BAZ1B: variants seen among roughly 807,000 people sequenced by gnomAD.
BAZ1B encodes the protein tyrosine-protein kinase BAZ1B.
In BAZ1B, 22 loss-of-function variants were observed where a neutral mutation model predicts 153.8. That is an observed-to-expected ratio of 0.14 (90% CI 0.10 to 0.20). The LOEUF (loss-of-function observed/expected upper bound fraction) is 0.20, where lower values mean the gene tolerates loss of function less well. BAZ1B is among the 10% of genes least tolerant of loss of function. The probability of loss-of-function intolerance (pLI) is 1.00; values close to 1 mark genes in which losing one functional copy is unlikely to be tolerated. For synonymous variants in BAZ1B, 676 were observed against 633.4 expected (o/e 1.07, Z -1.01); for missense variants, 1,325 against 1,799.3 (o/e 0.74, Z 4.77).
intron 6 of BAZ1B, among the ~76,000 whole-genome samples, chr7:73,486,743 G>A (rs1789426414): frequency 6.6e-6 from 1 of 152,184 alleles, no homozygotes. Context: ...TACAGAGAGA[G>A]AAAACATCCC....
Position 73,477,068 on chromosome 7 carries a change from C to T in BAZ1B, c.2393G>A (p.Arg798Gln), listed in dbSNP as rs370888360. The change falls in exon 7 of 20, where the codon CGG becomes CAG. Residue 798 changes from arginine (R) to glutamine (Q), a missense_variant. Arg to Gln is a conservative substitution (Grantham distance 43, BLOSUM62 1). Coordinates refer to ENST00000339594, the MANE Select transcript of BAZ1B (RefSeq NM_032408.4). The surrounding 1 kb of genome is among the most constrained non-coding windows in gnomAD (Gnocchi z 5.6). ...TTTATTTTTGGCTTCCATTTCTTTC[C>T]GTTTCTGTTTCTCTGCTCTCTTCTT... ...NDKKRAEKQK[R>Q]KEMEAKNKEN... 6.8e-6 allele frequency: 11 copies of T among 1,614,048 alleles called. No homozygotes were observed. Among genetic ancestry groups the T allele is most frequent in the Middle Eastern group, 1.6e-4 (1 of 6,062 alleles).
chr7:73,477,986 C>T lies in BAZ1B; in HGVS notation c.1475G>A (p.Arg492Lys). The T allele has an allele frequency of 1.2e-6, 2 of 1,614,142 alleles. No homozygotes were observed. The highest frequency in any genetic ancestry group is 1.7e-6 in the Non-Finnish European group (2 of 1,180,032). ...YKENKDREDK[R>K]SALSCVISKT... ...GGAGATAACACAGGACAGGGCGCTC[C>T]TCTTGTCCTCCCTGTCTTTGTTTTC... Residue 492 changes from arginine (R) to lysine (K), a missense_variant, in exon 7 of 20, where the codon AGG (arginine) becomes AAG (lysine). Physicochemically the swap from Arg to Lys is conservative, Grantham distance 26 (BLOSUM62 2). This residue lies in a region of BAZ1B where 154 missense variants were observed against 266.3 expected (regional missense o/e 0.58). Transcript: ENST00000339594. This position sits in a 1 kb window ranked among gnomAD's most constrained non-coding sequence, Gnocchi z 5.6.
At chr7:73,483,554 AT>A (rs150109701) in intron 6 of BAZ1B, among the ~76,000 whole-genome samples, 2 of 151,942 alleles carry the variant, frequency 1.3e-5, no homozygotes, top group African/African-American at 2.4e-5. Flanking sequence ...CTTACTTTTC[AT>A]TTTTTTTCTT....
chr7:73,506,441 G>A (rs1361374443), intron 3 of BAZ1B, among the ~76,000 whole-genome samples: 1 of 151,390 alleles, frequency 6.6e-6, no homozygotes, highest in African/African-American at 2.4e-5. Context: ...GAATCTTGCA[G>A]TGAGCTGAGA....
chr7:73,496,161 T>C (rs1789877358), intron 4 of BAZ1B, among the ~76,000 whole-genome samples: 1 of 152,130 alleles, frequency 6.6e-6, no homozygotes, highest in Admixed American at 6.6e-5. Context: ...AAAACTGATG[T>C]TCGGAAAGCA....
Position 73,450,716 on chromosome 7 carries a change from G to A in BAZ1B, c.3580+131C>T, listed in dbSNP as rs1788002574. ...TCAAAGACTGGCATGTTACAGACCT[G>A]CAGGAGAGTAAAATCTATACCACAC... On this transcript the variant is annotated intron_variant, in intron 14 of 19. Coordinates refer to ENST00000339594, the MANE Select transcript of BAZ1B (RefSeq NM_032408.4). This position sits in a 1 kb window ranked among gnomAD's most constrained non-coding sequence, Gnocchi z 4.1. 9.4e-7 allele frequency: 1 copy of A among 1,063,882 alleles called. No homozygotes were observed. Among genetic ancestry groups the A allele is most frequent in the East Asian group, 2.5e-5 (1 of 39,646 alleles). 65.9% of individuals were successfully genotyped at this position (1,063,882 alleles called of 1,614,324 possible).
At chr7:73,479,109 T>C (rs1464821611) in intron 6 of BAZ1B, among the ~76,000 whole-genome samples, 1 of 152,094 alleles carries the variant, frequency 6.6e-6, no homozygotes, top group East Asian at 1.9e-4. Context: ...TACATTTTCT[T>C]ATAGAAGCAT....
In BAZ1B at chr7:73,440,460, C is replaced by G. The variant is rs1459200071; in HGVS notation, c.*1249G>C. 2.0e-5 allele frequency: 3 copies of G among 149,022 alleles called. No individual in the cohort carries two copies. Among genetic ancestry groups the G allele is most frequent in the African/African-American group, 7.4e-5 (3 of 40,550 alleles). The allele number at this position is 149,022 out of a possible 1,614,324, so 9.2% of individuals were successfully genotyped here. ...GTTTATTTGAAATTCCAATTTATTA[C>G]AAGTTCACCCTTTAATGGGGCCCTT... On this transcript the variant is annotated 3_prime_UTR_variant, in exon 20 of 20. Coordinates refer to ENST00000339594, the MANE Select transcript of BAZ1B (RefSeq NM_032408.4).
rs1315843388 is a variant in BAZ1B at position 73,449,397 on chromosome 7, T to C, written c.3728+145A>G. ...TAGCTCAGAGTCCTTTGAGCTCCTA[T>C]TGAAGTACTGTAAATGATCAGGCTC... On this transcript the variant is annotated intron_variant, in intron 15 of 19. Transcript: ENST00000339594. The C allele has an allele frequency of 2.4e-5, 23 of 963,158 alleles. No homozygotes were observed. The African/African-American group carries it at 2.5e-4, about 11-fold the overall frequency. The allele number at this position is 963,158 out of a possible 1,614,324, so 59.7% of individuals were successfully genotyped here.
intron 6 of BAZ1B, 95 bp downstream of exon 6, chr7:73,489,099 A>C: frequency 1.1e-5 from 14 of 1,275,912 alleles, no homozygotes; most frequent in South Asian, 1.4e-5. Context: ...ATCTGATGTT[A>C]GAGTTCAAAA....
rs1788752084 is a variant in BAZ1B, at chr7:73,470,332, T to C, written c.2732+13A>G. The C allele has an allele frequency of 1.9e-6, 3 of 1,598,352 alleles. No individual in the cohort carries two copies. The highest frequency in any genetic ancestry group is 2.6e-6 in the Non-Finnish European group (3 of 1,172,548). The stretch of plus-strand genomic sequence containing the variant: ...AGTCCTAAAGAAAACAAAAATTTGG[T>C]TTAGGAACTGACCTATTATGGTTTC... On this transcript the variant is annotated intron_variant, in intron 8 of 19. Coordinates refer to ENST00000339594, the MANE Select transcript of BAZ1B (RefSeq NM_032408.4).
At chr7:73,511,063 T>C (rs1790557659) in intron 1 of BAZ1B, among the ~76,000 whole-genome samples, 1 of 151,980 alleles carries the variant, frequency 6.6e-6, no homozygotes, top group South Asian at 2.1e-4. Flanking sequence ...CGAGGTCAGA[T>C]CGAGACCAGC....
intron 2 of BAZ1B, 72 bp downstream of exon 2, chr7:73,510,664 T>G: frequency 7.1e-7 from 1 of 1,400,902 alleles, no homozygotes. Flanking sequence ...CACATACTGC[T>G]TTAGGGTTAA....
At chr7:73,499,052 GTC>G (rs1211728102) in intron 3 of BAZ1B, among the ~76,000 whole-genome samples, 3 of 151,870 alleles carry the variant, frequency 2.0e-5, no homozygotes, top group African/African-American at 4.8e-5. Flanking sequence ...TTGAGACACA[GTC>G]TCTCTCTGTC....
At chr7:73,487,961 T>C (rs1351649439) in intron 6 of BAZ1B, among the ~76,000 whole-genome samples, 1 of 152,230 alleles carries the variant, frequency 6.6e-6, no homozygotes, top group East Asian at 1.9e-4. Flanking sequence ...ACTAATGTTT[T>C]GGAGAAATAA....
At position 73,453,835 on chromosome 7, in the gene BAZ1B, C is replaced by T. The variant is rs571608868; in HGVS notation, c.3433-2841G>A. Among the ~76,000 whole-genome samples the T allele has an allele frequency of 5.3e-5, 8 of 151,564 alleles. No homozygotes were observed. The South Asian group carries it at 1.5e-3, about 28-fold the overall frequency. ...CTCTACAGAAAAATACAGAAAAAGC[C>T]GGGTATGGTGGCACATGCCTGTGGT... On this transcript the variant is annotated intron_variant, in intron 13 of 19. Coordinates refer to ENST00000339594, the MANE Select transcript of BAZ1B (RefSeq NM_032408.4).
intron 3 of BAZ1B, among the ~76,000 whole-genome samples, chr7:73,507,485 T>A (rs536491839): frequency 3.0e-4 from 46 of 151,844 alleles, no homozygotes; most frequent in African/African-American, 1.1e-3. Flanking sequence ...GAGGTAGAGG[T>A]TGCAATGAGC....
chr7:73,491,081 T>G lies in BAZ1B; in HGVS notation c.694-1690A>C, dbSNP rs1554575404. 2.3e-4 allele frequency among the ~76,000 whole-genome samples: 33 copies of G among 144,236 alleles called. No homozygotes were observed. The South Asian group carries it at 6.2e-3, about 27-fold the overall frequency. The allele number at this position is 144,236 out of a possible 152,430, so 94.6% of individuals were successfully genotyped here. A position where few individuals can be genotyped will look rare whatever the true frequency, so the allele number is the denominator to read the frequency against. On this transcript the variant is annotated intron_variant, in intron 5 of 19. Transcript: ENST00000339594. ...GGCAGGCGGATCACAAGGTCAGGAG[T>G]TCAAGACCAGCCTGGCCAACATAGT...
intron 9 of BAZ1B, among the ~76,000 whole-genome samples, chr7:73,468,359 T>G (rs1241598577): frequency 6.6e-6 from 1 of 151,586 alleles, no homozygotes; most frequent in Non-Finnish European, 1.5e-5. Context: ...TAACCTATAA[T>G]GCACAGGACA....
Sources: allele counts gnomAD v4.1 joint callset (sites outside exome capture counted in the v4.1 genomes callset), GRCh38; gene constraint gnomAD v4.1.1; regional missense constraint gnomAD v4.1.1; non-coding constraint Gnocchi (gnomAD v3.1); transcripts MANE v1.5; gene names NCBI Gene and HGNC (gene_info 2026-07-23, HGNC 2026-07-21).